The following FOXN3 variants were observed in gnomAD, a reference collection of about 807,000 sequenced individuals.
FOXN3 encodes the protein forkhead box N3.
FOXN3 carries 7 observed loss-of-function variants against 38.4 expected under a neutral mutation model. That is an observed-to-expected ratio of 0.18 (90% CI 0.10 to 0.34). FOXN3 has a LOEUF of 0.34. Ranked by LOEUF, FOXN3 falls within the 10% of genes least tolerant of loss-of-function variation. FOXN3 has a pLI of 1.00. For synonymous variants in FOXN3, 230 were observed against 242.2 expected, an observed-to-expected ratio of 0.95 and a Z score of 0.47; for missense variants, 456 against 613.4, an observed-to-expected ratio of 0.74 and a Z score of 2.71.
intron 3 of FOXN3, among the ~76,000 whole-genome samples, chr14:89,329,715 C>T (rs868302051): frequency 3.9e-5 from 6 of 151,944 alleles, no homozygotes; most frequent in African/African-American, 9.6e-5. Flanking sequence ...ACAAATTAGC[C>T]GGGTGTGGTG....
chr14:89,253,993 G>GT (rs1885541616), intron 4 of FOXN3, among the ~76,000 whole-genome samples: 1 of 152,134 alleles, frequency 6.6e-6, no homozygotes, highest in Non-Finnish European at 1.5e-5. Context: ...TCTGCACCCT[G>GT]TAACTGTTAT....
intron 3 of FOXN3, among the ~76,000 whole-genome samples, chr14:89,309,925 A>G (rs186465996): frequency 2.3e-4 from 35 of 152,324 alleles, no homozygotes; most frequent in African/African-American, 8.2e-4. Context: ...GCAAGCCCAG[A>G]TCTCTAAAAA....
chr14:89,431,448 T>C lies in FOXN3; in HGVS notation c.-14-18958A>G, dbSNP rs142544518. The stretch of plus-strand genomic sequence containing the variant: ...CCGGTCTTGAACTCCTGACCTCAGG[T>C]GATCCACCCGCCTCGGCCTCCCAAA... On this transcript the variant is annotated intron_variant, in intron 1 of 6. Coordinates refer to the FOXN3 transcript ENST00000345097. 4.1e-3 allele frequency among the ~76,000 whole-genome samples: 619 copies of C among 152,152 alleles called. 3 individuals are homozygous for C. The highest frequency in any genetic ancestry group is 0.012 in the African/African-American group (518 of 41,522).
chr14:89,328,761 T>C (rs1476320970), intron 3 of FOXN3, among the ~76,000 whole-genome samples: 1 of 152,214 alleles, frequency 6.6e-6, no homozygotes, highest in Non-Finnish European at 1.5e-5. Context: ...CCAGAACAGG[T>C]AATTACATCA....
intron 4 of FOXN3, among the ~76,000 whole-genome samples, chr14:89,247,547 C>G (rs1296971668): frequency 2.0e-5 from 3 of 152,284 alleles, no homozygotes; most frequent in Non-Finnish European, 2.9e-5. Flanking sequence ...TCTTGAGTCT[C>G]TAAGACAAGA....
intron 3 of FOXN3, among the ~76,000 whole-genome samples, chr14:89,318,619 G>A (rs919195431): frequency 1.3e-5 from 2 of 152,198 alleles, no homozygotes; most frequent in African/African-American, 2.4e-5. Context: ...TTATGTGTCA[G>A]GCTGTGTTCT....
In FOXN3 at chr14:89,441,361, C is replaced by T. The variant is rs75706342; in HGVS notation, c.-14-28871G>A. Among the ~76,000 whole-genome samples, 19 of 152,318 alleles carry T rather than the reference C, an allele frequency of 1.2e-4. No individual in the cohort carries two copies. The East Asian group carries it at 3.3e-3, about 26-fold the overall frequency. On this transcript the variant is annotated intron_variant, in intron 1 of 6. Coordinates refer to the FOXN3 transcript ENST00000345097. ...CCATCCTCCCTGCAGAGACCTGAAC[C>T]TGCTAAATTTTTCATACCATTCACC...
Position 89,513,590 on chromosome 14 carries a change from TA to T in FOXN3, c.-14-101101del, listed in dbSNP as rs1394982370. The stretch of plus-strand genomic sequence containing the variant: ...CATTTTTTGAGTTTGTTTGTATTTT[TA>T]TTTTTATTTATTTATTTTTTGAGAC... On this transcript the variant is annotated intron_variant, in intron 1 of 6. Coordinates refer to the FOXN3 transcript ENST00000345097. Among the ~76,000 whole-genome samples the T allele has an allele frequency of 2.6e-5, 4 of 152,018 alleles. No individual in the cohort carries two copies. In the East Asian group the frequency reaches 7.7e-4, roughly 29 times the overall value.
chr14:89,311,321 A>T (rs1887539055), intron 3 of FOXN3, among the ~76,000 whole-genome samples: 1 of 149,468 alleles, frequency 6.7e-6, no homozygotes, highest in Non-Finnish European at 1.5e-5. Context: ...AAATACAAAA[A>T]ATTAGTCAGG....
chr14:89,465,332 C>G (rs1052814215), intron 1 of FOXN3, among the ~76,000 whole-genome samples: 1 of 152,170 alleles, frequency 6.6e-6, no homozygotes, highest in East Asian at 1.9e-4. Flanking sequence ...CAGGTTCAAG[C>G]GATTCTCCTG....
chr14:89,275,224 G>A (rs1886264693), intron 4 of FOXN3, among the ~76,000 whole-genome samples: 2 of 152,138 alleles, frequency 1.3e-5, no homozygotes, highest in African/African-American at 4.8e-5. Context: ...AAATCATCTT[G>A]TTTGGGGATG....
chr14:89,205,151 T>TA (rs1158512966), intron 4 of FOXN3, among the ~76,000 whole-genome samples: 3,647 of 143,130 alleles, frequency 0.025, 132 homozygotes, highest in African/African-American at 0.082. Context: ...GTGTTTGATT[T>TA]AAAAAAAAAA....
chr14:89,392,791 C>T (rs1294122696), intron 2 of FOXN3, among the ~76,000 whole-genome samples: 5 of 146,266 alleles, frequency 3.4e-5, no homozygotes, highest in African/African-American at 1.2e-4. Flanking sequence ...CAGGTACAGA[C>T]CACCACGCCC....
At chr14:89,515,829 T>C (rs1894189343) in intron 1 of FOXN3, among the ~76,000 whole-genome samples, 1 of 152,180 alleles carries the variant, frequency 6.6e-6, no homozygotes, top group Non-Finnish European at 1.5e-5. Flanking sequence ...GATTGCCACA[T>C]GATGAAAGCG....
intron 4 of FOXN3, among the ~76,000 whole-genome samples, chr14:89,265,438 G>T (rs916442895): frequency 6.6e-6 from 1 of 152,134 alleles, no homozygotes; most frequent in African/African-American, 2.4e-5. Context: ...ACTGGAAAAG[G>T]TCTGAGAATC....
At chr14:89,583,265 T>C (rs754420956) in intron 1 of FOXN3, among the ~76,000 whole-genome samples, 18 of 152,212 alleles carry the variant, frequency 1.2e-4, no homozygotes, top group Non-Finnish European at 2.5e-4. Context: ...TAGAAACTCA[T>C]CCCCAATGCA....
chr14:89,257,142 T>A (rs1025011881), intron 4 of FOXN3, among the ~76,000 whole-genome samples: 3 of 152,116 alleles, frequency 2.0e-5, no homozygotes, highest in African/African-American at 7.2e-5. Flanking sequence ...GGTGGCTCCA[T>A]CCACCACCAT....
At chr14:89,414,805 C>G (rs1891650486) in intron 1 of FOXN3, among the ~76,000 whole-genome samples, 1 of 152,138 alleles carries the variant, frequency 6.6e-6, no homozygotes, top group Non-Finnish European at 1.5e-5. Flanking sequence ...CCCGCCTCGG[C>G]CTCCCAAAGT....
intron 1 of FOXN3, among the ~76,000 whole-genome samples, chr14:89,439,615 A>C (rs10134232): frequency 0.48 from 72,134 of 150,776 alleles, 17,939 homozygotes; most frequent in East Asian, 0.6. Context: ...AATGAGCAGC[A>C]CTCAGGGCTG....
Sources: gnomAD v4.1 joint callset for allele counts (sites outside exome capture counted in the v4.1 genomes callset) on GRCh38, gnomAD v4.1.1 for gene constraint, MANE v1.5 for transcripts, NCBI Gene and HGNC (gene_info 2026-07-23, HGNC 2026-07-21) for gene names.